ENG: variants seen among roughly 807,000 people sequenced by gnomAD.
The protein encoded by ENG is endoglin.
A neutral mutation model predicts 71.0 loss-of-function variants in ENG; 17 were observed. The observed-to-expected ratio is 0.24, with a 90% CI of 0.16 to 0.36. ENG has a LOEUF of 0.36. Among genes scored for constraint, ENG ranks in the 10% least tolerant of loss-of-function variants. The probability of loss-of-function intolerance (pLI) is 1.00; values close to 1 mark genes in which losing one functional copy is unlikely to be tolerated. For synonymous variants in ENG, 360 were observed against 366.9 expected, an observed-to-expected ratio of 0.98 and a Z score of 0.21; for missense variants, 749 against 868.3, an observed-to-expected ratio of 0.86 and a Z score of 1.73.
Position 127,838,938 on chromosome 9 carries a change from C to T in ENG, c.219+4156G>A, listed in dbSNP as rs568140954. Among the ~76,000 whole-genome samples the T allele has an allele frequency of 3.9e-5, 6 of 152,270 alleles. No individual in the cohort carries two copies. The highest frequency in any genetic ancestry group is 2.1e-4 in the South Asian group (1 of 4,828). ...AAATCTGAGGATTCTGAGGGATGGA[C>T]GGGAAAGCCACTTCTCTGTGCCAGA... is the stretch of plus-strand genomic sequence containing the variant. On this transcript the variant is annotated intron_variant, in intron 2 of 14. Coordinates refer to ENST00000373203, the MANE Select transcript of ENG (RefSeq NM_001114753.3). This position sits in a 1 kb window ranked among gnomAD's most constrained non-coding sequence, Gnocchi z 4.3.
Position 127,815,783 on chromosome 9 carries a change from C to T in ENG, c.1876G>A (p.Val626Met), listed in dbSNP as rs745843047. ...GAGGCCGGGGCAGCCACCGCCACCACGGGCTCCCGCTTGCTGGGGGAACCT... is the reference window on the plus strand; with the variant it reads ...GAGGCCGGGGCAGCCACCGCCACCATGGGCTCCCGCTTGCTGGGGGAACCT... The part of the protein sequence containing the change: ...HTRSPSKREP[V>M]VAVAAPASSE... Residue 626 changes from valine to methionine, a missense_variant, in exon 15 of 15, where the codon GTG (valine) becomes ATG (methionine). By Grantham distance (21) the Val-to-Met change is conservative. Coordinates refer to ENST00000373203, the MANE Select transcript of ENG (RefSeq NM_001114753.3). 2.3e-5 allele frequency: 36 copies of T among 1,545,370 alleles called. No homozygotes were observed. The highest frequency in any genetic ancestry group is 7.8e-5 in the Admixed American group (4 of 51,008).
At position 127,838,322 on chromosome 9, in the gene ENG, C is replaced by A. The variant is rs1407219601; in HGVS notation, c.219+4772G>T. Among the ~76,000 whole-genome samples, 1 of 152,154 alleles carries A rather than the reference C, an allele frequency of 6.6e-6. No homozygotes were observed. The highest frequency in any genetic ancestry group is 1.5e-5 in the Non-Finnish European group (1 of 68,018). ...TCCCTTTGGCCCCACAGAGTCCCCA[C>A]CCTGGGAGAGGGCTGCCATTGGCAG... On this transcript the variant is annotated intron_variant, in intron 2 of 14. Coordinates refer to ENST00000373203, the MANE Select transcript of ENG (RefSeq NM_001114753.3). The surrounding 1 kb of genome is among the most constrained non-coding windows in gnomAD (Gnocchi z 4.3).
At chr9:127,839,758 G>T (rs942165722) in intron 2 of ENG, among the ~76,000 whole-genome samples, 11 of 152,092 alleles carry the variant, frequency 7.2e-5, no homozygotes, top group Admixed American at 7.2e-4. Flanking sequence ...GTTTCGCCAT[G>T]TTGGCCAGGC....
chr9:127,847,265 C>T (rs1382083358), intron 1 of ENG: 2 of 152,312 alleles, frequency 1.3e-5, no homozygotes, highest in East Asian at 3.9e-4. Context: ...GGTGACCCAG[C>T]TACTAAGTGT....
At chr9:127,832,474 G>A (rs367981885) in intron 2 of ENG, among the ~76,000 whole-genome samples, 6 of 152,048 alleles carry the variant, frequency 3.9e-5, no homozygotes, top group East Asian at 1.9e-4. Flanking sequence ...GCTGGGATTC[G>A]TGCCCAGGTA....
chr9:127,841,983 TC>T (rs759791939), intron 2 of ENG, among the ~76,000 whole-genome samples: 71 of 152,168 alleles, frequency 4.7e-4, no homozygotes, highest in Non-Finnish European at 7.8e-4. Context: ...GATGCTTAAT[TC>T]CTGGCATAGA....
At chr9:127,831,331 T>G (rs1830759579) in intron 2 of ENG, among the ~76,000 whole-genome samples, 1 of 151,790 alleles carries the variant, frequency 6.6e-6, no homozygotes, top group African/African-American at 2.4e-5. Context: ...TGGCTAATTT[T>G]TTGTATTTTT....
At position 127,819,516 on chromosome 9, in the gene ENG, C is replaced by CT. The variant is rs138636507; in HGVS notation, c.1311+105dup. ...ACCGAGGCATTCCAGACACACATGG[C>CT]TTGCCAGGAGTTTCCCGAGGCCTGC... On this transcript the variant is annotated intron_variant, in intron 10 of 14. Transcript: ENST00000373203. 2.0e-4 allele frequency: 300 copies of CT among 1,499,190 alleles called. No homozygotes were observed. In the East Asian group the frequency reaches 4.6e-3, roughly 23 times the overall value. The allele number at this position is 1,499,190 out of a possible 1,614,324, so 92.9% of individuals were successfully genotyped here. A position where few individuals can be genotyped will look rare whatever the true frequency, so the allele number is the denominator to read the frequency against.
intron 4 of ENG, 146 bp from the exon 5 acceptor site, chr9:127,826,006 C>G: frequency 9.1e-7 from 1 of 1,094,488 alleles, no homozygotes; most frequent in South Asian, 1.4e-5. Context: ...TAGGTTCGAA[C>G]TTCCCTTCCA....
chr9:127,820,037 G>A lies in ENG; in HGVS notation c.1135C>T (p.His379Tyr). The change falls in exon 9 of 15, where the codon CAT becomes TAT. Residue 379 changes from histidine to tyrosine, a missense_variant and splice_region_variant. Coordinates refer to ENST00000373203, the MANE Select transcript of ENG (RefSeq NM_001114753.3). ...TLVLKKELVA[H>Y]LKCTITGLTF... ...AGGCCCGTGATGGTGCACTTCAAATGCTGGGTCGGAAGAGAGGGGCACCAT... is the reference window on the plus strand; with the variant it reads ...AGGCCCGTGATGGTGCACTTCAAATACTGGGTCGGAAGAGAGGGGCACCAT... 6.2e-7 allele frequency: 1 copy of A among 1,613,734 alleles called. No individual in the cohort carries two copies. Among genetic ancestry groups the A allele is most frequent in the Non-Finnish European group, 8.5e-7 (1 of 1,180,010 alleles).
At position 127,815,525 on chromosome 9, in the gene ENG, G is replaced by A; in HGVS notation, c.*157C>T. 7.2e-7 allele frequency: 1 copy of A among 1,384,016 alleles called. No individual in the cohort carries two copies. Among genetic ancestry groups the A allele is most frequent in the Non-Finnish European group, 9.5e-7 (1 of 1,049,518 alleles). The allele number at this position is 1,384,016 out of a possible 1,614,324, so 85.7% of individuals were successfully genotyped here. On this transcript the variant is annotated 3_prime_UTR_variant, in exon 15 of 15. Transcript: ENST00000373203. The stretch of plus-strand genomic sequence containing the variant: ...GTGTTCCAAGCCAGTGGCTGCACTG[G>A]CAGCAGGCCTCTGAGAGGGAGGCGG...
At chr9:127,829,638 A>G in intron 3 of ENG, 49 bp downstream of exon 3, 1 of 1,610,486 alleles carries the variant, frequency 6.2e-7, no homozygotes, top group Non-Finnish European at 8.5e-7. Context: ...GACAGTAGGG[A>G]CCTCCCATGG....
rs760666663 is a variant in ENG, at chr9:127,819,646, G to T, written c.1287C>A (p.Ile429=). The change falls in exon 10 of 15, where the codon ATC becomes ATA. Residue 429 remains isoleucine (I), a synonymous_variant. Transcript: ENST00000373203. ...SMISNEAVVN[I]LSSSSPQRKK... ...CCCGCTGTGGTGATGAGCTCGACAG[G>T]ATATTGACCACCGCCTGCGGGGATA... 3.7e-6 allele frequency: 6 copies of T among 1,611,886 alleles called. No individual in the cohort carries two copies. The highest frequency in any genetic ancestry group is 1.3e-5 in the African/African-American group (1 of 74,898).
chr9:127,821,927 G>C (rs1830477824), intron 8 of ENG, among the ~76,000 whole-genome samples: 1 of 146,134 alleles, frequency 6.8e-6, no homozygotes, highest in Non-Finnish European at 1.5e-5. Flanking sequence ...GTGCACGCCT[G>C]TATTCCCAAC....
At chr9:127,816,517 A>C in intron 13 of ENG, 3 of 263,212 alleles carry the variant, frequency 1.1e-5, no homozygotes, top group Admixed American at 4.7e-5. Flanking sequence ...CACATTCCTG[A>C]CTCCTGTGTG....
In ENG at chr9:127,824,838, G is replaced by A; in HGVS notation, c.953C>T (p.Pro318Leu). ...ATGAAGTGAGACAATGCTGGCCAGC[G>A]GTAGCTCCACGAAGGATGCCACAAT... ...ASIVASFVEL[P>L]LASIVSLHAS... The change falls in exon 7 of 15, where the codon CCG (proline) becomes CTG (leucine). Residue 318 changes from proline (P) to leucine (L), a missense_variant. Physicochemically the swap from Pro to Leu is moderately conservative, Grantham distance 98. Transcript: ENST00000373203. 2 of 1,596,242 alleles carry A rather than the reference G, an allele frequency of 1.3e-6. No individual in the cohort carries two copies. The highest frequency in any genetic ancestry group is 1.7e-6 in the Non-Finnish European group (2 of 1,171,310).
chr9:127,837,701 A>G (rs1830934845), intron 2 of ENG, among the ~76,000 whole-genome samples: 2 of 152,106 alleles, frequency 1.3e-5, no homozygotes, highest in African/African-American at 4.8e-5. Flanking sequence ...AAGAATGTAC[A>G]GTTTTTCCTT....
In ENG at chr9:127,815,663, C is replaced by G. The variant is rs545822507; in HGVS notation, c.*19G>C. The G allele has an allele frequency of 2.5e-5, 39 of 1,549,512 alleles. No homozygotes were observed. Among genetic ancestry groups the G allele is most frequent in the Non-Finnish European group, 3.3e-5 (38 of 1,154,510 alleles). ...CGGCTGCTCAGTCTCTCCTGCTGGGCGAGCGCGGGGGGCCGGGGCTATGCC... is the reference window on the plus strand; with the variant it reads ...CGGCTGCTCAGTCTCTCCTGCTGGGGGAGCGCGGGGGGCCGGGGCTATGCC... On this transcript the variant is annotated 3_prime_UTR_variant, in exon 15 of 15. Transcript: ENST00000373203.
At chr9:127,843,878 T>C (rs1485607353) in intron 1 of ENG, among the ~76,000 whole-genome samples, 3 of 143,716 alleles carry the variant, frequency 2.1e-5, no homozygotes, top group African/African-American at 7.8e-5. Flanking sequence ...TTCAAATGAT[T>C]CTCCTGCCTC....
Sources: gnomAD v4.1 joint callset for allele counts (sites outside exome capture counted in the v4.1 genomes callset) on GRCh38, gnomAD v4.1.1 for gene constraint, Gnocchi (gnomAD v3.1) non-coding constraint, MANE v1.5 for transcripts, NCBI Gene and HGNC (gene_info 2026-07-23, HGNC 2026-07-21) for gene names.